Variants in NIPA1 observed in about 807,000 individuals in gnomAD.
The protein encoded by NIPA1 is magnesium transporter NIPA1.
A neutral mutation model predicts 23.9 loss-of-function variants in NIPA1; 13 were observed. The ratio of observed to expected loss-of-function variants is 0.54; its 90% confidence interval spans 0.35 to 0.87. The LOEUF (loss-of-function observed/expected upper bound fraction) is 0.87. Among genes scored for constraint, NIPA1 ranks in the 40% least tolerant of loss-of-function variants. NIPA1 has a pLI of 0.01. For missense variants in NIPA1, 362 were observed against 429.7 expected (o/e 0.84, Z 1.39); for synonymous variants, 234 against 202.9 (o/e 1.15, Z -1.30).
intron 1 of NIPA1, among the ~76,000 whole-genome samples, chr15:22,798,955 T>C (rs904950643): frequency 6.6e-6 from 1 of 151,774 alleles, no homozygotes; most frequent in African/African-American, 2.4e-5. Flanking sequence ...ACAATGATCA[T>C]TTCTCACCCA....
At chr15:22,821,134 T>C (rs1390122003) in intron 4 of NIPA1, among the ~76,000 whole-genome samples, 1 of 152,084 alleles carries the variant, frequency 6.6e-6, no homozygotes, top group Non-Finnish European at 1.5e-5. Flanking sequence ...CGGCTAATTT[T>C]TTTTGTATTT....
At chr15:22,808,909 A>T (rs1351799037) in intron 1 of NIPA1, among the ~76,000 whole-genome samples, 1 of 152,032 alleles carries the variant, frequency 6.6e-6, no homozygotes, top group East Asian at 1.9e-4. Context: ...GGCTCAAGTG[A>T]TCATCCTGCC....
chr15:22,813,491 T>A, intron 3 of NIPA1: 1 of 359,710 alleles, frequency 2.8e-6, no homozygotes, highest in Non-Finnish European at 5.5e-6. Context: ...GAGATACTTA[T>A]TAAATAACAT....
rs563388420 is a variant in NIPA1, at chr15:22,829,328, C to T, written c.*5089C>T. The T allele has an allele frequency of 4.9e-4, 74 of 152,386 alleles. No individual in the cohort carries two copies. The highest frequency in any genetic ancestry group is 1.7e-3 in the African/African-American group (72 of 41,540). 9.4% of individuals were successfully genotyped at this position (152,386 alleles called of 1,614,324 possible). ...GCTCAACCCTGATGCTGAACTGACA[C>T]CAGGCGAATGTCAGGGCTCCCAAAC... On this transcript the variant is annotated 3_prime_UTR_variant, in exon 5 of 5. Transcript: ENST00000337435.
At position 22,823,882 on chromosome 15, in the gene NIPA1, G is replaced by A; in HGVS notation, c.633G>A (p.Leu211=). 1 of 1,614,180 alleles carries A rather than the reference G, an allele frequency of 6.2e-7. No individual in the cohort carries two copies. The highest frequency in any genetic ancestry group is 8.5e-7 in the Non-Finnish European group (1 of 1,179,984). The change falls in exon 5 of 5, where the codon CTG becomes CTA. Residue 211 remains leucine, a synonymous_variant. Coordinates refer to ENST00000337435, the MANE Select transcript of NIPA1 (RefSeq NM_144599.5). ...TGCCTTCCACCAAGGGCATCGGGCT[G>A]GCGGCCCAAGACATCTTGCATAACA... The part of the protein sequence containing the change: ...FTVPSTKGIG[L]AAQDILHNNP...
At chr15:22,789,476 T>G (rs1381783455) in intron 1 of NIPA1, among the ~76,000 whole-genome samples, 3 of 152,064 alleles carry the variant, frequency 2.0e-5, no homozygotes, top group African/African-American at 7.2e-5. Flanking sequence ...GAGCCACCCA[T>G]CAAGGTGAGC....
In NIPA1 at chr15:22,823,732, T is replaced by G. The variant is rs765470587; in HGVS notation, c.483T>G (p.Phe161Leu). The change falls in exon 5 of 5, where the codon TTT (phenylalanine) becomes TTG (leucine). Residue 161 changes from phenylalanine to leucine, a missense_variant. Coordinates refer to ENST00000337435, the MANE Select transcript of NIPA1 (RefSeq NM_144599.5). ...ELEEKLTNPV[F>L]VGYLCIVLLM... ...TGTGTGCTGTCTGTGTTCCAGTGTT[T>G]GTGGGCTACCTGTGCATCGTGCTGC... 2 of 1,606,052 alleles carry G rather than the reference T, an allele frequency of 1.2e-6. No homozygotes were observed. Among genetic ancestry groups the G allele is most frequent in the Non-Finnish European group, 1.7e-6 (2 of 1,178,558 alleles).
At chr15:22,809,736 CTCTG>C (rs1190003167) in intron 1 of NIPA1, among the ~76,000 whole-genome samples, 8 of 130,502 alleles carry the variant, frequency 6.1e-5, no homozygotes, top group East Asian at 2.5e-4. Context: ...CAGAGTGAGA[CTCTG>C]TCTGAAAAAA....
rs117724187 is a variant in NIPA1 at position 22,826,614 on chromosome 15, A to G, written c.*2375A>G. On this transcript the variant is annotated 3_prime_UTR_variant, in exon 5 of 5. Transcript: ENST00000337435. ...TTAAAGGCAGCTCTTGGTGTACCTTAGTATATTTTAATCCACAATTATACC... is the reference window on the plus strand; with the variant it reads ...TTAAAGGCAGCTCTTGGTGTACCTTGGTATATTTTAATCCACAATTATACC... 3 of 152,304 alleles carry G rather than the reference A, an allele frequency of 2.0e-5. No homozygotes were observed. Among genetic ancestry groups the G allele is most frequent in the East Asian group, 3.9e-4 (2 of 5,192 alleles). 9.4% of individuals were successfully genotyped at this position (152,304 alleles called of 1,614,324 possible).
intron 1 of NIPA1, among the ~76,000 whole-genome samples, chr15:22,798,813 G>A (rs963532413): frequency 2.9e-5 from 4 of 137,936 alleles, no homozygotes; most frequent in African/African-American, 8.7e-5. Context: ...TCCAGCCTGG[G>A]CGACAGAGCG....
chr15:22,812,339 G>C (rs773030617), intron 3 of NIPA1, 86 bp downstream of exon 3: 1 of 990,322 alleles, frequency 1.0e-6, no homozygotes, highest in Non-Finnish European at 1.6e-6. Flanking sequence ...AAAGTAATAA[G>C]AGCAAAATTG....
chr15:22,795,030 G>A (rs565529660), intron 1 of NIPA1, among the ~76,000 whole-genome samples: 25 of 152,268 alleles, frequency 1.6e-4, no homozygotes, highest in African/African-American at 5.5e-4. Flanking sequence ...ACAGGGAGCC[G>A]CAGAGTGAGG....
chr15:22,788,897 C>T (rs1386840623), intron 1 of NIPA1, among the ~76,000 whole-genome samples: 4 of 81,718 alleles, frequency 4.9e-5, no homozygotes, highest in Non-Finnish European at 8.8e-5. Context: ...CCAGCCCGAG[C>T]GAGAAGAACA....
rs59308538 is a variant in NIPA1, at chr15:22,822,908, G to GT, written c.479-792dup. On this transcript the variant is annotated intron_variant, in intron 4 of 4. Coordinates refer to ENST00000337435, the MANE Select transcript of NIPA1 (RefSeq NM_144599.5). ...TGTAAACATTTAGGAGCTGTAAATG[G>GT]TTTTTTTTTTTTTTTTTTTTTTTTT... Among the ~76,000 whole-genome samples, 128 of 91,458 alleles carry GT rather than the reference G, an allele frequency of 1.4e-3. 6 individuals are homozygous for GT. Among genetic ancestry groups the GT allele is most frequent in the African/African-American group, 2.0e-3 (40 of 19,936 alleles). 60.0% of individuals were successfully genotyped at this position (91,458 alleles called of 152,430 possible). A position where few individuals can be genotyped will look rare whatever the true frequency, so the allele number is the denominator to read the frequency against.
At chr15:22,804,078 G>C (rs770355486) in intron 1 of NIPA1, among the ~76,000 whole-genome samples, 5 of 151,916 alleles carry the variant, frequency 3.3e-5, no homozygotes, top group Non-Finnish European at 7.4e-5. Context: ...CCTAGTTCGA[G>C]CGATTCTCCT....
intron 1 of NIPA1, among the ~76,000 whole-genome samples, chr15:22,801,078 A>G (rs1382794775): frequency 3.8e-4 from 5 of 13,068 alleles, no homozygotes; most frequent in Non-Finnish European, 5.3e-4. Context: ...CCAGCTCAAG[A>G]AAAAAAAAAA....
At chr15:22,794,523 A>G (rs913156157) in intron 1 of NIPA1, among the ~76,000 whole-genome samples, 4 of 151,464 alleles carry the variant, frequency 2.6e-5, no homozygotes, top group African/African-American at 9.8e-5. Context: ...ATATTTTACC[A>G]AAATAAAACA....
At chr15:22,813,923 A>G (rs568632395) in intron 3 of NIPA1, among the ~76,000 whole-genome samples, 3 of 152,278 alleles carry the variant, frequency 2.0e-5, no homozygotes, top group East Asian at 1.9e-4. Context: ...CTGAAAGATA[A>G]TCAGGCAGAT....
chr15:22,799,907 G>A (rs1171334451), intron 1 of NIPA1, among the ~76,000 whole-genome samples: 1 of 124,404 alleles, frequency 8.0e-6, no homozygotes, highest in Non-Finnish European at 1.6e-5. Context: ...TCGCACCACT[G>A]CACTCCAGCC....
Sources: gnomAD v4.1 joint callset for allele counts (sites outside exome capture counted in the v4.1 genomes callset) on GRCh38, gnomAD v4.1.1 for gene constraint, MANE v1.5 for transcripts, NCBI Gene and HGNC (gene_info 2026-07-23, HGNC 2026-07-21) for gene names.